Variants in TTC27 observed in about 807,000 individuals in gnomAD.
TTC27 encodes tetratricopeptide repeat domain 27.
Under a neutral mutation model 115.9 loss-of-function variants are expected in TTC27, and 79 were observed. The ratio of observed to expected loss-of-function variants is 0.68; its 90% CI spans 0.57 to 0.82. The LOEUF is 0.82. TTC27 is among the 40% of genes least tolerant of loss of function. The probability of loss-of-function intolerance (pLI) is 0.00; values close to 1 mark genes in which losing one functional copy is unlikely to be tolerated. For synonymous variants in TTC27, 401 were observed against 356.0 expected (o/e 1.13, Z -1.42); for missense variants, 1,054 against 993.1 (o/e 1.06, Z -0.82).
At chr2:32,687,152 G>T (rs1666660375) in intron 9 of TTC27, among the ~76,000 whole-genome samples, 1 of 152,102 alleles carries the variant, frequency 6.6e-6, no homozygotes, top group African/African-American at 2.4e-5. Flanking sequence ...CCATTTCTTG[G>T]TATTTTCTAA....
chr2:32,741,849 C>A (rs1668659905), intron 12 of TTC27, among the ~76,000 whole-genome samples: 1 of 152,078 alleles, frequency 6.6e-6, no homozygotes, highest in Non-Finnish European at 1.5e-5. Context: ...GCAGAAGATA[C>A]CCCTCCAACC....
At chr2:32,657,649 G>A (rs1206125761) in intron 5 of TTC27, among the ~76,000 whole-genome samples, 1 of 152,032 alleles carries the variant, frequency 6.6e-6, no homozygotes, top group Non-Finnish European at 1.5e-5. Flanking sequence ...CCAGATTATA[G>A]GTGATACAGT....
rs1158243937 is a variant in TTC27, at chr2:32,762,273, AGAAGTGTGTGTGTGTGTGT to A, written c.1680+3756_1680+3774del. Among the ~76,000 whole-genome samples the A allele has an allele frequency of 7.6e-5, 11 of 145,552 alleles. No homozygotes were observed. In the East Asian group the frequency reaches 2.1e-3, roughly 28 times the overall value. ...TGAGCAAAGCTCTAGAAACACAGAGAGAAGTGTGTGTGTGTGTGTGTGTGTGTGTGTGTGTGTGTGTGTG... is the reference window on the plus strand; with the variant it reads ...TGAGCAAAGCTCTAGAAACACAGAGAGTGTGTGTGTGTGTGTGTGTGTGTG... On this transcript the variant is annotated intron_variant, in intron 13 of 19. Transcript: ENST00000317907.
At position 32,720,122 on chromosome 2, in the gene TTC27, T is replaced by C. The variant is rs1045183269; in HGVS notation, c.1234-13706T>C. On this transcript the variant is annotated intron_variant, in intron 10 of 19. Coordinates refer to ENST00000317907, the MANE Select transcript of TTC27 (RefSeq NM_017735.5). ...GCTGACTGGCCTCTCCCCATTCTTA[T>C]TGGCACCTTCATTGAAAAATCAGCT... Among the ~76,000 whole-genome samples, 19 of 152,208 alleles carry C rather than the reference T, an allele frequency of 1.2e-4. 1 individual carries two copies. Among genetic ancestry groups the C allele is most frequent in the African/African-American group, 4.1e-4 (17 of 41,462 alleles).
intron 9 of TTC27, among the ~76,000 whole-genome samples, chr2:32,697,859 C>T (rs1009864434): frequency 2.0e-5 from 3 of 151,948 alleles, no homozygotes; most frequent in African/African-American, 7.3e-5. Flanking sequence ...TCAAACGATT[C>T]TCATACCTCA....
At chr2:32,718,995 C>A (rs1286307198) in intron 10 of TTC27, among the ~76,000 whole-genome samples, 4 of 152,268 alleles carry the variant, frequency 2.6e-5, no homozygotes, top group South Asian at 2.1e-4. Context: ...GTGTGCTTGA[C>A]CAAGCCTAGG....
intron 13 of TTC27, among the ~76,000 whole-genome samples, chr2:32,761,451 C>G (rs1392022512): frequency 6.6e-6 from 1 of 152,156 alleles, no homozygotes; most frequent in Non-Finnish European, 1.5e-5. Flanking sequence ...CTTTCAAACT[C>G]AGGTCAGTTA....
intron 16 of TTC27, among the ~76,000 whole-genome samples, chr2:32,809,254 C>T (rs1222721951): frequency 1.3e-5 from 2 of 152,346 alleles, no homozygotes; most frequent in East Asian, 1.9e-4. Context: ...CTCTCAGCTA[C>T]GCTTTCTGAA....
At chr2:32,636,559 A>T (rs1351632064) in intron 3 of TTC27, among the ~76,000 whole-genome samples, 1 of 152,118 alleles carries the variant, frequency 6.6e-6, no homozygotes, top group African/African-American at 2.4e-5. Context: ...GATTTGAGGT[A>T]ATCTATAGGT....
intron 9 of TTC27, among the ~76,000 whole-genome samples, chr2:32,694,097 T>G (rs1666904062): frequency 1.3e-5 from 2 of 152,212 alleles, no homozygotes; most frequent in Non-Finnish European, 2.9e-5. Flanking sequence ...GTCGTCAGCC[T>G]TTTGGTAATC....
chr2:32,665,257 A>G (rs898764144), intron 6 of TTC27, among the ~76,000 whole-genome samples: 2 of 152,036 alleles, frequency 1.3e-5, no homozygotes, highest in African/African-American at 2.4e-5. Context: ...CTTTTGTTAC[A>G]TTGTGTGTGT....
At chr2:32,791,844 C>T (rs1425046455) in intron 16 of TTC27, among the ~76,000 whole-genome samples, 2 of 152,094 alleles carry the variant, frequency 1.3e-5, no homozygotes, top group African/African-American at 2.4e-5. Context: ...CACCACACTC[C>T]AGCCTGGGCA....
At chr2:32,690,239 T>G (rs1666765867) in intron 9 of TTC27, among the ~76,000 whole-genome samples, 1 of 152,214 alleles carries the variant, frequency 6.6e-6, no homozygotes, top group Non-Finnish European at 1.5e-5. Context: ...TGATCACTGG[T>G]GTCTTTGCTG....
chr2:32,643,274 CT>C (rs1275308762), intron 4 of TTC27, among the ~76,000 whole-genome samples: 2 of 152,034 alleles, frequency 1.3e-5, no homozygotes, highest in African/African-American at 4.8e-5. Flanking sequence ...GTCTTAAAGA[CT>C]GACGATTACT....
rs1404148481 is a variant in TTC27, at chr2:32,673,209, T to G, written c.1052+825T>G. On this transcript the variant is annotated intron_variant, in intron 8 of 19. Coordinates refer to ENST00000317907, the MANE Select transcript of TTC27 (RefSeq NM_017735.5). The stretch of plus-strand genomic sequence containing the variant: ...TGTCTGATTTTTTTTTTTTAATAGT[T>G]GGATTCACCTTATGCATTTTTTTTT... Among the ~76,000 whole-genome samples, 4 of 146,378 alleles carry G rather than the reference T, an allele frequency of 2.7e-5. No individual in the cohort carries two copies. In the Admixed American group the frequency reaches 2.9e-4, roughly 10 times the overall value.
At chr2:32,709,726 G>A (rs962786419) in intron 10 of TTC27, among the ~76,000 whole-genome samples, 2 of 152,136 alleles carry the variant, frequency 1.3e-5, no homozygotes, top group African/African-American at 4.8e-5. Flanking sequence ...TGTAGCTGAG[G>A]TGATGCTGAA....
chr2:32,787,808 C>CTAAA (rs34416911), intron 16 of TTC27, among the ~76,000 whole-genome samples: 31,035 of 151,002 alleles, frequency 0.21, 4,141 homozygotes, highest in African/African-American at 0.37. Context: ...AACTCTGTCT[C>CTAAA]TAAATAAATA....
chr2:32,637,834 G>T (rs1040357399), intron 3 of TTC27, among the ~76,000 whole-genome samples: 30 of 152,248 alleles, frequency 2.0e-4, no homozygotes, highest in African/African-American at 7.0e-4. Flanking sequence ...CTCCAGTTGG[G>T]GTTCTCACAG....
chr2:32,629,581 C>T (rs1289721206), intron 1 of TTC27, among the ~76,000 whole-genome samples: 2 of 149,444 alleles, frequency 1.3e-5, no homozygotes, highest in Middle Eastern at 3.2e-3. Context: ...ACTAAAGGCG[C>T]CTGCCACCAC....
Sources: allele counts gnomAD v4.1 joint callset (sites outside exome capture counted in the v4.1 genomes callset), GRCh38; gene constraint gnomAD v4.1.1; transcripts MANE v1.5; gene names NCBI Gene and HGNC (gene_info 2026-07-23, HGNC 2026-07-21).